USP24: variants seen among roughly 807,000 people sequenced by gnomAD.
USP24 encodes the protein ubiquitin specific peptidase 24, also known as ubiquitin carboxyl-terminal hydrolase 24.
In USP24, 97 loss-of-function variants were observed where a neutral mutation model predicts 361.6. That is an observed-to-expected ratio of 0.27 (90% CI 0.23 to 0.32). The LOEUF (loss-of-function observed/expected upper bound fraction) is 0.32, where lower values mean the gene tolerates loss of function less well. Ranked by LOEUF, USP24 falls within the 10% of genes least tolerant of loss-of-function variation. USP24 has a pLI of 1.00. For synonymous variants in USP24, 1,098 were observed against 1,124.6 expected (o/e 0.98, Z 0.47); for missense variants, 2,353 against 3,165.6 (o/e 0.74, Z 6.16).
Position 55,081,427 on chromosome 1 carries a change from G to A in USP24, c.6976-3C>T. 1 of 1,613,216 alleles carries A rather than the reference G, an allele frequency of 6.2e-7. No individual in the cohort carries two copies. The stretch of plus-strand genomic sequence containing the variant: ...TGTGCTGAACTCCATCGACGTATCT[G>A]TCATCAGGGAAGATAAAGTGGCTGT... On this transcript the variant is annotated splice_region_variant and splice_polypyrimidine_tract_variant and intron_variant, in intron 58 of 67. Coordinates refer to ENST00000294383, the MANE Select transcript of USP24 (RefSeq NM_015306.3).
Position 55,165,912 on chromosome 1 carries a change from C to T in USP24, c.900G>A (p.Lys300=), listed in dbSNP as rs61760217. ...CAAGTTCTATATCTTCTGAATGGAG[C>T]TTGGCTTGGATTGCTGCAAATCCAC... The part of the protein sequence containing the change: ...ELGGFAAIQA[K]LHSEDIELGA... The change falls in exon 7 of 68, where the codon AAG becomes AAA. Residue 300 remains lysine (K), a synonymous_variant. Coordinates refer to ENST00000294383, the MANE Select transcript of USP24 (RefSeq NM_015306.3). The T allele has an allele frequency of 3.4e-4, 548 of 1,607,414 alleles. No individual in the cohort carries two copies. In the African/African-American group the frequency reaches 6.9e-3, roughly 20 times the overall value.
chr1:55,095,660 T>A (rs946792715), intron 50 of USP24, among the ~76,000 whole-genome samples: 2 of 151,960 alleles, frequency 1.3e-5, no homozygotes, highest in African/African-American at 2.4e-5. Flanking sequence ...GGTAATGGAG[T>A]AAGAGAAAGA....
At chr1:55,177,559 C>T (rs780358491) in intron 2 of USP24, among the ~76,000 whole-genome samples, 35 of 151,902 alleles carry the variant, frequency 2.3e-4, no homozygotes, top group Non-Finnish European at 7.4e-5. Context: ...ACTCTTCCAA[C>T]CTATTGATAT....
intron 1 of USP24, among the ~76,000 whole-genome samples, chr1:55,201,427 C>A (rs1209298874): frequency 6.6e-6 from 1 of 151,230 alleles, no homozygotes; most frequent in Non-Finnish European, 1.5e-5. Flanking sequence ...ATGGTGAAAC[C>A]CCATCTCTAC....
chr1:55,099,908 G>T (rs748530659), intron 44 of USP24, 39 bp from the exon 45 acceptor site: 231 of 1,445,952 alleles, frequency 1.6e-4, no homozygotes, highest in Non-Finnish European at 2.0e-4. Context: ...AGGAAAAGTA[G>T]CAATTTCTGA....
intron 58 of USP24, among the ~76,000 whole-genome samples, chr1:55,082,359 T>C (rs1046193224): frequency 4.6e-5 from 7 of 152,208 alleles, no homozygotes; most frequent in African/African-American, 1.4e-4. Context: ...AAGTGACCAG[T>C]CGTATCAAGT....
In USP24 at chr1:55,177,981, T is replaced by G; in HGVS notation, c.476A>C (p.Tyr159Ser). 1.3e-6 allele frequency: 2 copies of G among 1,551,558 alleles called. No homozygotes were observed. The highest frequency in any genetic ancestry group is 1.7e-6 in the Non-Finnish European group (2 of 1,146,924). ...SLGKCLLASTYLARLGLSESD... is the reference protein window; with the variant it reads ...SLGKCLLASTSLARLGLSESD... ...TGAAAACTTACCAAGTCTTGCTAGG[T>G]AGGTAGATGCCAACAGGCATTTGCC... The change falls in exon 2 of 68, where the codon TAC becomes TCC. Residue 159 changes from tyrosine to serine, a missense_variant. Coordinates refer to ENST00000294383, the MANE Select transcript of USP24 (RefSeq NM_015306.3).
At chr1:55,092,343 T>C (rs1330276791) in intron 53 of USP24, among the ~76,000 whole-genome samples, 1 of 152,244 alleles carries the variant, frequency 6.6e-6, no homozygotes, top group African/African-American at 2.4e-5. Context: ...TCTTCATTTC[T>C]TTTATGAAAT....
intron 38 of USP24, among the ~76,000 whole-genome samples, chr1:55,111,093 T>C (rs1349324565): frequency 6.6e-6 from 1 of 152,082 alleles, no homozygotes; most frequent in Non-Finnish European, 1.5e-5. Flanking sequence ...TGGTGGTGTA[T>C]AGTTGGTCCA....
At chr1:55,074,385 G>C (rs1176998189) in intron 63 of USP24, among the ~76,000 whole-genome samples, 5 of 152,266 alleles carry the variant, frequency 3.3e-5, no homozygotes, top group African/African-American at 7.2e-5. Flanking sequence ...TGTAATCCCT[G>C]CACTTTGGGA....
chr1:55,115,605 G>A (rs1014844000), intron 38 of USP24, among the ~76,000 whole-genome samples: 2 of 151,802 alleles, frequency 1.3e-5, no homozygotes, highest in South Asian at 2.1e-4. Flanking sequence ...TGGAGACAGT[G>A]TGGCAATTCC....
intron 8 of USP24, among the ~76,000 whole-genome samples, chr1:55,161,437 A>T (rs916073190): frequency 6.6e-6 from 1 of 152,030 alleles, no homozygotes; most frequent in African/African-American, 2.4e-5. Context: ...TACTAAAAAA[A>T]AATCCTATCT....
In USP24 at chr1:55,124,555, C is replaced by A. The variant is rs368254067; in HGVS notation, c.4034G>T (p.Arg1345Leu). ...CTGGCTACTCCCAACAAGATCAAGC[C>A]GTCCTGCAGCCGCAGCCCATGACAA... The part of the protein sequence containing the change: ...MRLSWAAAAG[R>L]LDLVGSSQPI... Residue 1345 changes from arginine (R) to leucine (L), a missense_variant, in exon 35 of 68, where the codon CGG (arginine) becomes CTG (leucine). This residue lies in a region of USP24 where 949 missense variants were observed against 1,280.5 expected (regional missense o/e 0.74). Transcript: ENST00000294383. 3 of 1,613,810 alleles carry A rather than the reference C, an allele frequency of 1.9e-6. No homozygotes were observed. Among genetic ancestry groups the A allele is most frequent in the Non-Finnish European group, 2.5e-6 (3 of 1,179,880 alleles).
Position 55,099,872 on chromosome 1 carries a change from A to G in USP24, c.5272-3T>C, listed in dbSNP as rs1570399285. The G allele has an allele frequency of 2.6e-6, 4 of 1,540,594 alleles. No homozygotes were observed. Among genetic ancestry groups the G allele is most frequent in the East Asian group, 2.4e-5 (1 of 40,854 alleles). ...TCTTTATTCCACATCTTGAAAATCT[A>G]TATAACAAAAATTAAATGTTTTTAA... is the stretch of plus-strand genomic sequence containing the variant. On this transcript the variant is annotated splice_polypyrimidine_tract_variant and splice_region_variant and intron_variant, in intron 44 of 67. Transcript: ENST00000294383.
chr1:55,072,751 T>C, intron 65 of USP24, 35 bp downstream of exon 65: 2 of 1,555,038 alleles, frequency 1.3e-6, no homozygotes, highest in Non-Finnish European at 1.7e-6. Flanking sequence ...TATTGATTCC[T>C]ATGTTACAGC....
intron 46 of USP24, 38 bp from the exon 47 acceptor site, chr1:55,098,122 G>A: frequency 6.5e-7 from 1 of 1,540,764 alleles, no homozygotes; most frequent in South Asian, 1.3e-5. Flanking sequence ...AATCAACAAT[G>A]GAATTTAAAA....
At chr1:55,138,578 A>C in intron 26 of USP24, 30 bp downstream of exon 26, 1 of 1,474,574 alleles carries the variant, frequency 6.8e-7, no homozygotes, top group Non-Finnish European at 9.4e-7. Context: ...GACAACATGA[A>C]AATGGCTGTA....
intron 50 of USP24, 22 bp downstream of exon 50, chr1:55,096,476 A>T: frequency 2.0e-6 from 3 of 1,499,328 alleles, no homozygotes; most frequent in Non-Finnish European, 2.7e-6. Context: ...CTAATGGAAA[A>T]TATCCATTTG....
Position 55,171,447 on chromosome 1 carries a change from T to C in USP24, c.825+109A>G, listed in dbSNP as rs1447278349. 6 of 1,342,816 alleles carry C rather than the reference T, an allele frequency of 4.5e-6. No individual in the cohort carries two copies. The East Asian group carries it at 1.5e-4, about 34-fold the overall frequency. 83.2% of individuals were successfully genotyped at this position (1,342,816 alleles called of 1,614,324 possible). A position where few individuals can be genotyped will look rare whatever the true frequency, so the allele number is the denominator to read the frequency against. ...TATGAGCCAGATGGGATATTTGTCA[T>C]TTTTCAGATTGTTTTAATCCTCCCA... On this transcript the variant is annotated intron_variant, in intron 5 of 67. Transcript: ENST00000294383.
Sources: allele counts gnomAD v4.1 joint callset (sites outside exome capture counted in the v4.1 genomes callset), GRCh38; gene constraint gnomAD v4.1.1; regional missense constraint gnomAD v4.1.1; transcripts MANE v1.5; gene names NCBI Gene and HGNC (gene_info 2026-07-23, HGNC 2026-07-21).